RAPGEF2: variants seen among roughly 807,000 people sequenced by gnomAD.
The protein encoded by RAPGEF2 is PDZ domain containing guanine nucleotide exchange factor (GEF) 1.
Under a neutral mutation model 186.7 loss-of-function variants are expected in RAPGEF2, and 54 were observed. The observed-to-expected ratio is 0.29, with a 90% CI of 0.23 to 0.36. The LOEUF (loss-of-function observed/expected upper bound fraction) is 0.36, where lower values mean the gene tolerates loss of function less well. RAPGEF2 is among the 10% of genes least tolerant of loss of function. The probability of loss-of-function intolerance (pLI) is 1.00; values close to 1 mark genes in which losing one functional copy is unlikely to be tolerated. For missense variants in RAPGEF2, 1,532 were observed against 2,045.0 expected (o/e 0.75, Z 4.84); for synonymous variants, 712 against 705.9 (o/e 1.01, Z -0.14).
At chr4:159,188,898 T>A (rs1747830439) in intron 2 of RAPGEF2, among the ~76,000 whole-genome samples, 1 of 152,242 alleles carries the variant, frequency 6.6e-6, no homozygotes, top group South Asian at 2.1e-4. Context: ...GCCTGTGAGA[T>A]GTTTATCTTA....
chr4:159,160,980 TAA>T lies in RAPGEF2; in HGVS notation c.70-25660_70-25659del, dbSNP rs1272739667. ...CAAGTATCCGAACCTAATTAGAAAT[TAA>T]AGTTTTTTTTAATCATAGGTTTTGA... On this transcript the variant is annotated intron_variant, in intron 1 of 29. Coordinates refer to ENST00000691494, the MANE Select transcript of RAPGEF2 (RefSeq NM_001394067.2). Among the ~76,000 whole-genome samples the T allele has an allele frequency of 3.1e-5, 4 of 129,430 alleles. No individual in the cohort carries two copies. In the East Asian group the frequency reaches 1.2e-3, roughly 40 times the overall value. 84.9% of individuals were successfully genotyped at this position (129,430 alleles called of 152,430 possible). A position where few individuals can be genotyped will look rare whatever the true frequency, so the allele number is the denominator to read the frequency against.
intron 1 of RAPGEF2, among the ~76,000 whole-genome samples, chr4:159,161,336 T>C (rs887153871): frequency 6.6e-5 from 10 of 152,240 alleles, no homozygotes; most frequent in Non-Finnish European, 1.3e-4. Flanking sequence ...TAAAATTGTA[T>C]TTTCAAAAAT....
chr4:159,355,847 C>T lies in RAPGEF2; in HGVS notation c.4652-6C>T, dbSNP rs1468299826. On this transcript the variant is annotated splice_polypyrimidine_tract_variant and splice_region_variant and intron_variant, in intron 28 of 29. Transcript: ENST00000691494. Reference sequence around the variant, plus strand: ...TTTTAATGCTGGTGCATTGTTTCTACTCTAGCACGAAAGGAGGGCAGGTAT... The same window carrying T: ...TTTTAATGCTGGTGCATTGTTTCTATTCTAGCACGAAAGGAGGGCAGGTAT... 7 of 1,542,386 alleles carry T rather than the reference C, an allele frequency of 4.5e-6. No individual in the cohort carries two copies. The highest frequency in any genetic ancestry group is 1.2e-5 in the South Asian group (1 of 83,568).
chr4:159,205,963 C>G (rs1192867215), intron 3 of RAPGEF2, among the ~76,000 whole-genome samples: 1 of 151,964 alleles, frequency 6.6e-6, no homozygotes, highest in Non-Finnish European at 1.5e-5. Context: ...GAGTGTCGCC[C>G]TGTCACCCAG....
intron 7 of RAPGEF2, among the ~76,000 whole-genome samples, chr4:159,250,452 G>A (rs771086704): frequency 5.9e-5 from 9 of 152,264 alleles, no homozygotes; most frequent in Non-Finnish European, 8.8e-5. Flanking sequence ...TGCTGATTTG[G>A]ATAAATAGTG....
At chr4:159,105,871 A>G (rs188993865) in intron 1 of RAPGEF2, among the ~76,000 whole-genome samples, 1 of 152,356 alleles carries the variant, frequency 6.6e-6, no homozygotes, top group African/African-American at 2.4e-5. Flanking sequence ...GCTGGTCAGA[A>G]AATGATGTCA....
intron 5 of RAPGEF2, 44 bp from the exon 6 acceptor site, chr4:159,241,157 A>G: frequency 7.3e-7 from 1 of 1,372,646 alleles, no homozygotes; most frequent in South Asian, 1.7e-5. Context: ...TTAATAGGAA[A>G]TGTTGTGTTT....
At chr4:159,304,835 C>T (rs917687062) in intron 8 of RAPGEF2, among the ~76,000 whole-genome samples, 1 of 152,020 alleles carries the variant, frequency 6.6e-6, no homozygotes, top group Admixed American at 6.6e-5. Flanking sequence ...TCATTATGCA[C>T]CCCCTACTCC....
At chr4:159,330,987 T>G (rs192659152) in intron 13 of RAPGEF2, among the ~76,000 whole-genome samples, 20 of 152,298 alleles carry the variant, frequency 1.3e-4, no homozygotes, top group Admixed American at 2.6e-4. Context: ...GATGACAAAC[T>G]ACATTGTCTT....
chr4:159,172,980 G>C (rs1463755296), intron 1 of RAPGEF2, among the ~76,000 whole-genome samples: 1 of 152,088 alleles, frequency 6.6e-6, no homozygotes, highest in African/African-American at 2.4e-5. Flanking sequence ...GTCTAAAAGA[G>C]ATCAATTTTG....
intron 2 of RAPGEF2, among the ~76,000 whole-genome samples, chr4:159,191,006 G>C (rs549200641): frequency 6.6e-6 from 1 of 152,334 alleles, no homozygotes; most frequent in East Asian, 1.9e-4. Context: ...GCACTGAGTA[G>C]GCATTTAAAT....
chr4:159,196,115 A>C (rs1279499411), intron 3 of RAPGEF2, among the ~76,000 whole-genome samples: 2 of 152,150 alleles, frequency 1.3e-5, no homozygotes, highest in Non-Finnish European at 2.9e-5. Context: ...CATAAGGCCC[A>C]AAATTCAGAG....
intron 8 of RAPGEF2, among the ~76,000 whole-genome samples, chr4:159,312,142 CT>C (rs1764020073): frequency 2.0e-5 from 3 of 151,978 alleles, no homozygotes; most frequent in Non-Finnish European, 4.4e-5. Flanking sequence ...TATATTCCAT[CT>C]TTTTGCATAC....
intron 7 of RAPGEF2, among the ~76,000 whole-genome samples, chr4:159,263,951 T>G (rs937032743): frequency 2.0e-5 from 3 of 152,204 alleles, no homozygotes; most frequent in Non-Finnish European, 2.9e-5. Context: ...TGGATGTTAT[T>G]GACAGGGTAG....
intron 4 of RAPGEF2, among the ~76,000 whole-genome samples, chr4:159,219,480 C>G (rs932471832): frequency 6.6e-6 from 1 of 151,056 alleles, no homozygotes; most frequent in Non-Finnish European, 1.5e-5. Context: ...CTCAGCCTCC[C>G]GAGTAGCTGG....
intron 7 of RAPGEF2, among the ~76,000 whole-genome samples, chr4:159,299,515 A>C (rs1340442028): frequency 6.6e-6 from 1 of 151,974 alleles, no homozygotes; most frequent in Non-Finnish European, 1.5e-5. Context: ...GGGATCTGGT[A>C]CCACAGATGC....
intron 3 of RAPGEF2, among the ~76,000 whole-genome samples, chr4:159,207,776 G>A (rs747529520): frequency 2.0e-5 from 3 of 151,846 alleles, no homozygotes; most frequent in Non-Finnish European, 4.4e-5. Flanking sequence ...TTTTTTTCCC[G>A]CTTTCTGTTT....
intron 7 of RAPGEF2, among the ~76,000 whole-genome samples, chr4:159,291,267 C>G (rs1027936880): frequency 2.0e-5 from 3 of 152,064 alleles, no homozygotes; most frequent in African/African-American, 7.2e-5. Flanking sequence ...TGAATATATA[C>G]ATCTGTGTGT....
At chr4:159,169,182 C>A (rs1342497186) in intron 1 of RAPGEF2, among the ~76,000 whole-genome samples, 2 of 151,886 alleles carry the variant, frequency 1.3e-5, no homozygotes, top group African/African-American at 4.8e-5. Flanking sequence ...TTTGGAACCC[C>A]CCTCAACTCC....
Sources: allele counts gnomAD v4.1 joint callset (sites outside exome capture counted in the v4.1 genomes callset), GRCh38; gene constraint gnomAD v4.1.1; transcripts MANE v1.5; gene names NCBI Gene and HGNC (gene_info 2026-07-23, HGNC 2026-07-21).